Variants in PLS3 observed in about 807,000 individuals in gnomAD.
PLS3 encodes plastin-3.
PLS3 carries 11 observed loss-of-function variants against 46.5 expected under a neutral mutation model. The ratio of observed to expected loss-of-function variants is 0.24; its 90% CI spans 0.15 to 0.39. The LOEUF (loss-of-function observed/expected upper bound fraction) is 0.39. PLS3 is among the 10% of genes least tolerant of loss of function. The pLI is 1.00. For synonymous variants in PLS3, 167 were observed against 162.2 expected (o/e 1.03, Z -0.22); for missense variants, 308 against 461.8 (o/e 0.67, Z 3.05).
chrX:115,575,915 G>A (rs1556631130), intron 1 of PLS3, among the ~76,000 whole-genome samples: 1 of 111,940 alleles, frequency 8.9e-6, no homozygotes, highest in African/African-American at 3.2e-5. Flanking sequence ...ATTTAGCACA[G>A]TTTTGTTTAA....
intron 1 of PLS3, among the ~76,000 whole-genome samples, chrX:115,567,540 G>C (rs2074183849): frequency 9.1e-6 from 1 of 109,779 alleles, no homozygotes; most frequent in South Asian, 3.9e-4. Flanking sequence ...ACAGTGAGCC[G>C]AGATTGCGCC....
intron 7 of PLS3, among the ~76,000 whole-genome samples, chrX:115,635,446 G>A (rs1289182871): frequency 6.4e-5 from 7 of 109,058 alleles, no homozygotes; most frequent in Non-Finnish European, 1.3e-4. Flanking sequence ...GAGCGCAGTG[G>A]CACAATCAGC....
chrX:115,563,928 G>T (rs1556629824), intron 1 of PLS3, among the ~76,000 whole-genome samples: 1 of 112,070 alleles, frequency 8.9e-6, no homozygotes, highest in African/African-American at 3.2e-5. Flanking sequence ...AAAAAAGGAA[G>T]TTATTACCAC....
At chrX:115,628,051 C>T (rs1265657243) in intron 3 of PLS3, among the ~76,000 whole-genome samples, 2 of 111,923 alleles carry the variant, frequency 1.8e-5, no homozygotes, top group African/African-American at 6.5e-5. Context: ...CAAAAAGGTA[C>T]CCTCCTGGAA....
At chrX:115,609,871 A>G (rs2074531545) in intron 1 of PLS3, among the ~76,000 whole-genome samples, 1 of 112,053 alleles carries the variant, frequency 8.9e-6, no homozygotes, top group African/African-American at 3.2e-5. Context: ...TGGGAAAATG[A>G]TACTTTCCGT....
At chrX:115,561,934 TC>T (rs782768149) in intron 1 of PLS3, among the ~76,000 whole-genome samples, 1 of 110,940 alleles carries the variant, frequency 9.0e-6, no homozygotes, top group African/African-American at 3.3e-5. Flanking sequence ...GCACTTTTTT[TC>T]CTTTCAGTAG....
chrX:115,611,466 GT>G lies in PLS3; in HGVS notation c.73+1154del, dbSNP rs371160045. ...AGCAAGTGAATTCTTGGCTGCAAGA[GT>G]TTTTTTTTTTCAAAATGACTCTCAT... On this transcript the variant is annotated intron_variant, in intron 2 of 15. Coordinates refer to ENST00000355899, the MANE Select transcript of PLS3 (RefSeq NM_005032.7). 1.1e-4 allele frequency among the ~76,000 whole-genome samples: 12 copies of G among 106,327 alleles called. No individual in the cohort carries two copies. The East Asian group carries it at 1.2e-3, about 10-fold the overall frequency. 92.3% of individuals were successfully genotyped at this position (106,327 alleles called of 115,157 possible). A position where few individuals can be genotyped will look rare whatever the true frequency, so the allele number is the denominator to read the frequency against.
intron 9 of PLS3, among the ~76,000 whole-genome samples, 200 bp from the exon 10 acceptor site, chrX:115,643,113 C>A (rs1042129163): frequency 5.4e-5 from 6 of 111,465 alleles, no homozygotes; most frequent in African/African-American, 2.0e-4. Flanking sequence ...GCTGTGTGAT[C>A]TGGCGCCATC....
Position 115,650,109 on chromosome X carries a change from G to A in PLS3, c.*548G>A, listed in dbSNP as rs782533665. 1 of 112,082 alleles carries A rather than the reference G, an allele frequency of 8.9e-6. No homozygotes were observed. Among genetic ancestry groups the A allele is most frequent in the East Asian group, 2.8e-4 (1 of 3,582 alleles). 9.2% of individuals were successfully genotyped at this position (112,082 alleles called of 1,213,427 possible). ...GCTTTTCTTATTCTTTTATTCTTAA[G>A]ATCAGTATCTTTTTACAGTATTCTT... On this transcript the variant is annotated 3_prime_UTR_variant, in exon 16 of 16. Transcript: ENST00000355899.
Position 115,647,977 on chromosome X carries a change from A to T in PLS3, c.1720A>T (p.Ser574Cys). The T allele has an allele frequency of 1.7e-6, 2 of 1,208,674 alleles. No homozygotes were observed. Among genetic ancestry groups the T allele is most frequent in the Non-Finnish European group, 2.2e-6 (2 of 893,050 alleles). ...CTGTATAAACTATGACCTTGTGAAG[A>T]GTGGCAATCTAACAGAAGATGACAA... Reference protein sequence around the residue: ...PGCINYDLVKSGNLTEDDKHN... With the variant: ...PGCINYDLVKCGNLTEDDKHN... Residue 574 changes from serine to cysteine, a missense_variant, in exon 15 of 16, where the codon AGT (serine) becomes TGT (cysteine). By Grantham distance (112) the Ser-to-Cys change is moderately radical. Transcript: ENST00000355899.
At chrX:115,630,106 T>C in intron 5 of PLS3, 139 bp downstream of exon 5, 1 of 457,776 alleles carries the variant, frequency 2.2e-6, no homozygotes, top group South Asian at 4.8e-5. Context: ...GCCTTTTTCA[T>C]TTAATCTCTA....
intron 1 of PLS3, among the ~76,000 whole-genome samples, chrX:115,566,109 T>C (rs782359092): frequency 2.7e-5 from 3 of 112,343 alleles, no homozygotes; most frequent in Non-Finnish European, 5.6e-5. Context: ...AAGCCTTGGC[T>C]TTTAAGCAGA....
chrX:115,579,440 G>T (rs997290630), intron 1 of PLS3, among the ~76,000 whole-genome samples: 1 of 111,897 alleles, frequency 8.9e-6, no homozygotes, highest in Non-Finnish European at 1.9e-5. Flanking sequence ...ATGCTGAGTT[G>T]TATGAGAGTT....
At chrX:115,585,103 A>ACAAG (rs1406352573) in intron 1 of PLS3, among the ~76,000 whole-genome samples, 5 of 111,337 alleles carry the variant, frequency 4.5e-5, no homozygotes, top group Non-Finnish European at 7.5e-5. Context: ...GTACTTGGTA[A>ACAAG]TGACATAAAG....
intron 1 of PLS3, among the ~76,000 whole-genome samples, chrX:115,604,535 A>T (rs1375073624): frequency 1.8e-5 from 2 of 111,926 alleles, no homozygotes; most frequent in Non-Finnish European, 3.8e-5. Context: ...GGAATAGCAG[A>T]ACCAGAGCAA....
intron 8 of PLS3, among the ~76,000 whole-genome samples, chrX:115,638,577 C>T (rs1016494694): frequency 6.3e-5 from 7 of 111,583 alleles, no homozygotes; most frequent in Admixed American, 2.9e-4. Context: ...GCACTAGATG[C>T]GTTCCTGAAA....
intron 1 of PLS3, among the ~76,000 whole-genome samples, chrX:115,608,453 G>A (rs1260768132): frequency 9.0e-6 from 1 of 111,600 alleles, no homozygotes; most frequent in Non-Finnish European, 1.9e-5. Flanking sequence ...TTATACATTT[G>A]TCCAAACCCA....
intron 1 of PLS3, among the ~76,000 whole-genome samples, chrX:115,589,699 G>C (rs1338013261): frequency 1.8e-5 from 2 of 112,092 alleles, no homozygotes; most frequent in Non-Finnish European, 3.8e-5. Context: ...ATGACGTCTG[G>C]ATGAAAGTTG....
intron 1 of PLS3, among the ~76,000 whole-genome samples, chrX:115,595,383 TAGAAGTATTTCC>T (rs1477108534): frequency 9.0e-6 from 1 of 111,295 alleles, no homozygotes; most frequent in East Asian, 2.8e-4. Flanking sequence ...TAGCACAGAA[TAGAAGTATTTCC>T]AGAAAAATGA....
Sources: gnomAD v4.1 joint callset for allele counts (sites outside exome capture counted in the v4.1 genomes callset) on GRCh38, gnomAD v4.1.1 for gene constraint, MANE v1.5 for transcripts, NCBI Gene and HGNC (gene_info 2026-07-23, HGNC 2026-07-21) for gene names.